The following SPATS2L variants were observed in gnomAD, a reference collection of about 807,000 sequenced individuals.
The protein encoded by SPATS2L is spermatogenesis associated serine rich 2 like.
In SPATS2L, 30 loss-of-function variants were observed where a neutral mutation model predicts 59.6. That is an observed-to-expected ratio of 0.50 (90% CI 0.38 to 0.68). The LOEUF (loss-of-function observed/expected upper bound fraction) is 0.68. Ranked by LOEUF, SPATS2L falls within the 30% of genes least tolerant of loss-of-function variation. The pLI, the probability that SPATS2L is intolerant of heterozygous loss-of-function variation, is 0.00. For synonymous variants in SPATS2L, 252 were observed against 263.5 expected, an observed-to-expected ratio of 0.96 and a Z score of 0.42; for missense variants, 615 against 700.0, an observed-to-expected ratio of 0.88 and a Z score of 1.37.
At chr2:200,330,274 C>T (rs146518858) in intron 2 of SPATS2L, among the ~76,000 whole-genome samples, 5 of 46,912 alleles carry the variant, frequency 1.1e-4, no homozygotes, top group South Asian at 1.0e-3. Flanking sequence ...TGAGGTAGTC[C>T]AAATTAATGA....
chr2:200,403,350 C>T (rs1330854726), intron 3 of SPATS2L, among the ~76,000 whole-genome samples: 1 of 152,110 alleles, frequency 6.6e-6, no homozygotes, highest in African/African-American at 2.4e-5. Flanking sequence ...CAGAAGAGCA[C>T]GTTTACTCTA....
At chr2:200,376,919 T>TG (rs2081619279) in intron 2 of SPATS2L, among the ~76,000 whole-genome samples, 1 of 152,198 alleles carries the variant, frequency 6.6e-6, no homozygotes, top group African/African-American at 2.4e-5. Flanking sequence ...GGACAACTTG[T>TG]GGTCAGAAGG....
At chr2:200,349,064 C>T (rs2080622036) in intron 2 of SPATS2L, among the ~76,000 whole-genome samples, 1 of 152,066 alleles carries the variant, frequency 6.6e-6, no homozygotes, top group Non-Finnish European at 1.5e-5. Context: ...TTTAAAACAG[C>T]CCTTTTTTAA....
At chr2:200,425,409 C>T (rs1326500310) in intron 6 of SPATS2L, among the ~76,000 whole-genome samples, 2 of 152,096 alleles carry the variant, frequency 1.3e-5, no homozygotes. Context: ...GGTGCCAGCT[C>T]TCAAATGGAA....
chr2:200,455,040 A>G (rs2085738867), intron 8 of SPATS2L, among the ~76,000 whole-genome samples: 1 of 152,228 alleles, frequency 6.6e-6, no homozygotes, highest in African/African-American at 2.4e-5. Context: ...GGTGAGTATC[A>G]TGACACCTTT....
chr2:200,336,224 G>A (rs1046438001), intron 2 of SPATS2L, among the ~76,000 whole-genome samples: 1 of 152,158 alleles, frequency 6.6e-6, no homozygotes, highest in Non-Finnish European at 1.5e-5. Flanking sequence ...AGCTGGCCAT[G>A]AAAATTTTAT....
At chr2:200,306,655 A>AGGGGCGGGAGTGTCCCTGCGT (rs2079021396), upstream of SPATS2L, 9 of 984,936 alleles carry the variant, frequency 9.1e-6, no homozygotes, top group Middle Eastern at 5.1e-4. Context: ...GCAGCCTGCG[A>AGGGGCGGGAGTGTCCCTGCGT]GGGGCGGGAG....
At chr2:200,465,187 G>A (rs537481014) in intron 9 of SPATS2L, among the ~76,000 whole-genome samples, 15 of 152,184 alleles carry the variant, frequency 9.9e-5, no homozygotes, top group Non-Finnish European at 1.9e-4. Flanking sequence ...ATGGGGCAGG[G>A]GGAAACCATG....
intron 6 of SPATS2L, among the ~76,000 whole-genome samples, chr2:200,430,071 C>T (rs748495854): frequency 2.0e-5 from 3 of 152,150 alleles, no homozygotes; most frequent in African/African-American, 4.8e-5. Context: ...TTTCTTAACA[C>T]CACAGTTGCA....
chr2:200,408,859 G>A (rs1483187236), intron 3 of SPATS2L, among the ~76,000 whole-genome samples: 1 of 152,230 alleles, frequency 6.6e-6, no homozygotes, highest in Non-Finnish European at 1.5e-5. Context: ...TCAAGAGGGG[G>A]CATCAAAACA....
intron 3 of SPATS2L, chr2:200,389,554 A>G (rs842824): frequency 0.89 from 309,553 of 348,476 alleles, 137,825 homozygotes; most frequent in East Asian, 1. Context: ...AGAGGTGGAA[A>G]TTGAGAAACA....
At chr2:200,380,108 G>A (rs575500876) in intron 2 of SPATS2L, among the ~76,000 whole-genome samples, 39 of 152,272 alleles carry the variant, frequency 2.6e-4, no homozygotes, top group Non-Finnish European at 5.0e-4. Flanking sequence ...AAACCATGCC[G>A]TAGGTGAATG....
chr2:200,414,448 C>T (rs991514518), intron 4 of SPATS2L, among the ~76,000 whole-genome samples: 2 of 152,030 alleles, frequency 1.3e-5, no homozygotes, highest in East Asian at 1.9e-4. Context: ...GACAACATGG[C>T]GAGACACTGT....
At chr2:200,384,105 A>G in intron 2 of SPATS2L, 1 of 605,216 alleles carries the variant, frequency 1.7e-6, no homozygotes, top group Non-Finnish European at 2.1e-6. Flanking sequence ...GATAACTCAT[A>G]CATATTAAAA....
intron 11 of SPATS2L, 62 bp downstream of exon 11, chr2:200,470,078 C>A: frequency 7.2e-7 from 1 of 1,388,510 alleles, no homozygotes; most frequent in Non-Finnish European, 1.0e-6. Flanking sequence ...TTTGGAGTTG[C>A]TATTGGAAAT....
chr2:200,366,076 AAG>A (rs2081260063), intron 2 of SPATS2L, among the ~76,000 whole-genome samples: 1 of 152,226 alleles, frequency 6.6e-6, no homozygotes, highest in Non-Finnish European at 1.5e-5. Context: ...CATTTATAAA[AAG>A]AGAAATTTTG....
intron 2 of SPATS2L, among the ~76,000 whole-genome samples, chr2:200,377,146 C>T (rs946925742): frequency 6.6e-6 from 1 of 152,188 alleles, no homozygotes; most frequent in African/African-American, 2.4e-5. Flanking sequence ...ATCCTTCTTA[C>T]CACGCTATGC....
intron 1 of SPATS2L, among the ~76,000 whole-genome samples, chr2:200,328,215 T>C (rs2079819211): frequency 6.6e-6 from 1 of 152,162 alleles, no homozygotes; most frequent in Non-Finnish European, 1.5e-5. Flanking sequence ...GGCTGCATTC[T>C]TCCCTTGTCT....
chr2:200,328,386 A>G (rs2079824708), intron 1 of SPATS2L, among the ~76,000 whole-genome samples: 1 of 152,134 alleles, frequency 6.6e-6, no homozygotes, highest in African/African-American at 2.4e-5. Flanking sequence ...TATTTTTTCA[A>G]AACTGGACTG....
Sources: gnomAD v4.1 joint callset for allele counts (sites outside exome capture counted in the v4.1 genomes callset) on GRCh38, gnomAD v4.1.1 for gene constraint, MANE v1.5 for transcripts, NCBI Gene and HGNC (gene_info 2026-07-23, HGNC 2026-07-21) for gene names.